ATP9A: variants seen among roughly 807,000 people sequenced by gnomAD.
The protein encoded by ATP9A is ATPase phospholipid transporting 9A, also known as probable phospholipid-transporting ATPase IIA.
ATP9A carries 52 observed loss-of-function variants against 144.1 expected under a neutral mutation model. The ratio of observed to expected loss-of-function variants is 0.36; its 90% CI spans 0.29 to 0.45. The LOEUF (loss-of-function observed/expected upper bound fraction) is 0.45. ATP9A is among the 20% of genes least tolerant of loss of function. ATP9A has a pLI of 1.00. For synonymous variants in ATP9A, 582 were observed against 557.4 expected, an observed-to-expected ratio of 1.04 and a Z score of -0.62; for missense variants, 947 against 1,392.7, an observed-to-expected ratio of 0.68 and a Z score of 5.09.
At position 51,608,584 on chromosome 20, in the gene ATP9A, G is replaced by C; in HGVS notation, c.2679C>G (p.Val893=). The C allele has an allele frequency of 6.2e-7, 1 of 1,613,688 alleles. No homozygotes were observed. Among genetic ancestry groups the C allele is most frequent in the Non-Finnish European group, 8.5e-7 (1 of 1,179,590 alleles). The change falls in exon 25 of 28, where the codon GTC becomes GTG. Residue 893 remains valine (V), a synonymous_variant. Coordinates refer to ENST00000338821, the MANE Select transcript of ATP9A (RefSeq NM_006045.3). Reference sequence around the variant, plus strand: ...CTTCCGATTTGACATCTTTGTCCAGGACCAGAGAAAACACAGGAAACATGG... The same window carrying C: ...CTTCCGATTTGACATCTTTGTCCAGCACCAGAGAAAACACAGGAAACATGG... ...IYTMFPVFSL[V]LDKDVKSEVA... is the part of the protein sequence containing the mutation.
rs571430794 is a variant in ATP9A, at chr20:51,662,277, G to A, written c.1294-5127C>T. On this transcript the variant is annotated intron_variant, in intron 13 of 27. Transcript: ENST00000338821. ...AAAATATTGCACTGCGCCAGGTGTG[G>A]TGGCTCACGCCTGTAATCCCAGCAC... 4.6e-5 allele frequency among the ~76,000 whole-genome samples: 7 copies of A among 152,326 alleles called. No individual in the cohort carries two copies. In the East Asian group the frequency reaches 1.3e-3, roughly 29 times the overall value.
intron 11 of ATP9A, among the ~76,000 whole-genome samples, chr20:51,673,111 C>T (rs901978596): frequency 5.3e-5 from 8 of 152,118 alleles, no homozygotes; most frequent in Non-Finnish European, 1.0e-4. Flanking sequence ...CAGTAGCTCA[C>T]GCCTGTAACC....
intron 1 of ATP9A, among the ~76,000 whole-genome samples, chr20:51,751,682 G>A (rs1047549316): frequency 2.0e-5 from 3 of 152,068 alleles, no homozygotes; most frequent in Non-Finnish European, 2.9e-5. Flanking sequence ...CCGCCTCCCG[G>A]GTTCACGCCA....
intron 3 of ATP9A, among the ~76,000 whole-genome samples, chr20:51,718,728 T>C (rs1219789241): frequency 7.1e-6 from 1 of 140,718 alleles, no homozygotes; most frequent in Non-Finnish European, 1.5e-5. Context: ...GGCAGGAGAA[T>C]CACTTGAGCC....
At chr20:51,645,542 A>C (rs78592225) in intron 14 of ATP9A, among the ~76,000 whole-genome samples, 1 of 46,908 alleles carries the variant, frequency 2.1e-5, no homozygotes, top group Admixed American at 3.1e-4. Flanking sequence ...CAAACAAACA[A>C]AAAAAAAACA....
chr20:51,607,044 T>C (rs376973050), intron 26 of ATP9A, among the ~76,000 whole-genome samples: 10 of 151,288 alleles, frequency 6.6e-5, no homozygotes, highest in African/African-American at 2.4e-4. Flanking sequence ...TAAATAAATA[T>C]ATATATGTAA....
Position 51,658,896 on chromosome 20 carries a change from G to C in ATP9A, c.1294-1746C>G, listed in dbSNP as rs867253449. Among the ~76,000 whole-genome samples the C allele has an allele frequency of 1.6e-3, 189 of 117,936 alleles. 30 individuals are homozygous for C. The highest frequency in any genetic ancestry group is 0.012 in the Middle Eastern group (3 of 244). 77.4% of individuals were successfully genotyped at this position (117,936 alleles called of 152,430 possible). ...AAAATTAAGACCACTGGCGGGGGGGGGGGGGGGAAGGCTCATTGTTGAACA... is the reference window on the plus strand; with the variant it reads ...AAAATTAAGACCACTGGCGGGGGGGCGGGGGGGAAGGCTCATTGTTGAACA... On this transcript the variant is annotated intron_variant, in intron 13 of 27. Coordinates refer to ENST00000338821, the MANE Select transcript of ATP9A (RefSeq NM_006045.3).
intron 3 of ATP9A, among the ~76,000 whole-genome samples, chr20:51,721,657 C>G (rs1045805948): frequency 1.3e-5 from 2 of 151,656 alleles, no homozygotes; most frequent in African/African-American, 2.4e-5. Flanking sequence ...AAAAATTAGC[C>G]AGGCGTGGTG....
intron 26 of ATP9A, among the ~76,000 whole-genome samples, chr20:51,606,289 ATG>A (rs1431730678): frequency 2.6e-5 from 4 of 152,326 alleles, no homozygotes; most frequent in African/African-American, 9.6e-5. Context: ...CCAAATACAC[ATG>A]TTTATTTGTA....
At chr20:51,621,937 C>T in intron 19 of ATP9A, 137 bp downstream of exon 19, 2 of 715,756 alleles carry the variant, frequency 2.8e-6, no homozygotes, top group South Asian at 1.9e-5. Flanking sequence ...CCATCCAAAG[C>T]AACCGTGGTT....
chr20:51,618,584 T>C lies in ATP9A; in HGVS notation c.2350+78A>G, dbSNP rs1043736807. 20 of 1,517,094 alleles carry C rather than the reference T, an allele frequency of 1.3e-5. No individual in the cohort carries two copies. The African/African-American group carries it at 2.8e-4, about 21-fold the overall frequency. The allele number at this position is 1,517,094 out of a possible 1,614,324, so 94.0% of individuals were successfully genotyped here. On this transcript the variant is annotated intron_variant, in intron 21 of 27. Transcript: ENST00000338821. ...GGGGAATTTGAAGAAAGAGCAGCAG[T>C]GTCCAAATATCCTTAGGGAAAGGGA...
chr20:51,725,406 G>A (rs1364679717), intron 3 of ATP9A, among the ~76,000 whole-genome samples: 1 of 152,162 alleles, frequency 6.6e-6, no homozygotes, highest in Non-Finnish European at 1.5e-5. Flanking sequence ...ACAGGCATGA[G>A]CCACCGTGCC....
intron 1 of ATP9A, among the ~76,000 whole-genome samples, chr20:51,752,532 C>T (rs987283639): frequency 1.3e-5 from 2 of 152,182 alleles, no homozygotes; most frequent in Admixed American, 1.3e-4. Context: ...TTTTAGTCTT[C>T]ATGCTATAAA....
intron 9 of ATP9A, among the ~76,000 whole-genome samples, chr20:51,685,450 T>C (rs2077519087): frequency 1.3e-5 from 2 of 151,794 alleles, no homozygotes; most frequent in African/African-American, 2.4e-5. Flanking sequence ...TAATCCCAGC[T>C]ACTCGGGAGG....
intron 14 of ATP9A, among the ~76,000 whole-genome samples, chr20:51,640,171 A>G (rs925911262): frequency 9.2e-5 from 14 of 152,192 alleles, no homozygotes; most frequent in African/African-American, 3.4e-4. Flanking sequence ...GCAACAAGCT[A>G]AACAATAAAA....
chr20:51,742,857 T>A (rs1385919748), intron 1 of ATP9A, among the ~76,000 whole-genome samples: 1 of 152,136 alleles, frequency 6.6e-6, no homozygotes, highest in Non-Finnish European at 1.5e-5. Flanking sequence ...TGTTTGGTGT[T>A]AAAAAGTAGG....
At chr20:51,697,029 G>A (rs13044013) in intron 5 of ATP9A, among the ~76,000 whole-genome samples, 1 of 152,124 alleles carries the variant, frequency 6.6e-6, no homozygotes, top group African/African-American at 2.4e-5. Context: ...ACAATGGTTA[G>A]GTCAGGAAAT....
In ATP9A at chr20:51,729,962, T is replaced by G; in HGVS notation, c.85A>C (p.Arg29=). ...RPRAGCCEWL[R]CCGGGEARPR... Reference sequence around the variant, plus strand: ...CTGGCCTCCCCTCCACCGCAGCATCTCAGCCACTCGCAGCACCTGTGGGAA... The same window carrying G: ...CTGGCCTCCCCTCCACCGCAGCATCGCAGCCACTCGCAGCACCTGTGGGAA... The change falls in exon 2 of 28, where the codon AGA becomes CGA. Residue 29 remains arginine, a synonymous_variant. Coordinates refer to ENST00000338821, the MANE Select transcript of ATP9A (RefSeq NM_006045.3). 1 of 1,554,540 alleles carries G rather than the reference T, an allele frequency of 6.4e-7. No homozygotes were observed. The highest frequency in any genetic ancestry group is 8.6e-7 in the Non-Finnish European group (1 of 1,156,260).
At chr20:51,670,200 GC>G in intron 12 of ATP9A, 91 bp from the exon 13 acceptor site, 1 of 1,021,590 alleles carries the variant, frequency 9.8e-7, no homozygotes, top group Non-Finnish European at 1.5e-6. Context: ...TGGAGAGTTT[GC>G]CCTATGTCAC....
Sources: allele counts gnomAD v4.1 joint callset (sites outside exome capture counted in the v4.1 genomes callset), GRCh38; gene constraint gnomAD v4.1.1; transcripts MANE v1.5; gene names NCBI Gene and HGNC (gene_info 2026-07-23, HGNC 2026-07-21).